Variants in ALPI observed in about 807,000 individuals in gnomAD.
ALPI encodes alkaline phosphatase, intestinal.
A neutral mutation model predicts 51.5 loss-of-function variants in ALPI; 50 were observed. The ratio of observed to expected loss-of-function variants is 0.97; its 90% CI spans 0.77 to 1.23. The LOEUF (loss-of-function observed/expected upper bound fraction) is 1.23. Ranked by LOEUF, ALPI falls within the 50% of genes most tolerant of loss-of-function variation. ALPI has a pLI of 0.00. For synonymous variants in ALPI, 322 were observed against 308.2 expected (o/e 1.04, Z -0.47); for missense variants, 692 against 722.4 (o/e 0.96, Z 0.48).
At position 232,456,765 on chromosome 2, in the gene ALPI, G is replaced by A. The variant is rs1013955699; in HGVS notation, c.300+70G>A. 6.5e-7 allele frequency: 1 copy of A among 1,544,834 alleles called. No individual in the cohort carries two copies. The highest frequency in any genetic ancestry group is 8.7e-7 in the Non-Finnish European group (1 of 1,143,496). On this transcript the variant is annotated intron_variant, in intron 3 of 10. Coordinates refer to ENST00000295463, the MANE Select transcript of ALPI (RefSeq NM_001631.5). This position sits in a 1 kb window ranked among gnomAD's most constrained non-coding sequence, Gnocchi z 4.2. The stretch of plus-strand genomic sequence containing the variant: ...ATCAAGGATATGGAGTGTGGCAGGA[G>A]GGAGGGAGCCAGGACAGCTGGGGCC...
Position 232,457,684 on chromosome 2 carries a change from G to T in ALPI, c.768G>T (p.Trp256Cys). ...RLDGKNLVQE[W>C]LAKHQGAWYV... ...ACGGGAAGAACCTGGTGCAGGAATG[G>T]CTGGCAAAGCACCAGGTGATGGGGG... The change falls in exon 6 of 11, where the codon TGG becomes TGT. Residue 256 changes from tryptophan to cysteine, a missense_variant. Transcript: ENST00000295463. The surrounding 1 kb of genome is among the most constrained non-coding windows in gnomAD (Gnocchi z 4.7). 2 of 1,613,018 alleles carry T rather than the reference G, an allele frequency of 1.2e-6. No homozygotes were observed. Among genetic ancestry groups the T allele is most frequent in the Non-Finnish European group, 1.7e-6 (2 of 1,179,214 alleles).
rs377672298 is a variant in ALPI, at chr2:232,458,040, A to T, written c.899A>T (p.Asp300Val). The T allele has an allele frequency of 1.2e-6, 2 of 1,605,786 alleles. No individual in the cohort carries two copies. The highest frequency in any genetic ancestry group is 1.7e-6 in the Non-Finnish European group (2 of 1,176,798). Reference protein sequence around the residue: ...PGDTKYEIHRDPTLDPSLMEM... With the variant: ...PGDTKYEIHRVPTLDPSLMEM... ...GACACGAAATATGAGATCCACCGAGACCCCACACTGGACCCCTCCCTGATG... is the reference window on the plus strand; with the variant it reads ...GACACGAAATATGAGATCCACCGAGTCCCCACACTGGACCCCTCCCTGATG... The change falls in exon 8 of 11, where the codon GAC (aspartate) becomes GTC (valine). Residue 300 changes from aspartate (D) to valine (V), a missense_variant. Asp to Val is a radical substitution (Grantham distance 152). Transcript: ENST00000295463.
At position 232,456,759 on chromosome 2, in the gene ALPI, G is replaced by A; in HGVS notation, c.300+64G>A. 6.5e-7 allele frequency: 1 copy of A among 1,544,984 alleles called. No homozygotes were observed. The highest frequency in any genetic ancestry group is 8.7e-7 in the Non-Finnish European group (1 of 1,143,560). ...AGAGGGATCAAGGATATGGAGTGTG[G>A]CAGGAGGGAGGGAGCCAGGACAGCT... On this transcript the variant is annotated intron_variant, in intron 3 of 10. Transcript: ENST00000295463. This position sits in a 1 kb window ranked among gnomAD's most constrained non-coding sequence, Gnocchi z 4.2.
Position 232,456,186 on chromosome 2 carries a change from G to A in ALPI, c.-14G>A, listed in dbSNP as rs751408372. 28 of 1,612,680 alleles carry A rather than the reference G, an allele frequency of 1.7e-5. No individual in the cohort carries two copies. The East Asian group carries it at 5.6e-4, about 32-fold the overall frequency. ...GGTGTCCCCACTTCGCCTCCCTCCT[G>A]CTGCCCCCAAGACATGCAGGGGCCC... On this transcript the variant is annotated 5_prime_UTR_variant, in exon 1 of 11. Coordinates refer to ENST00000295463, the MANE Select transcript of ALPI (RefSeq NM_001631.5). The surrounding 1 kb of genome is among the most constrained non-coding windows in gnomAD (Gnocchi z 4.2).
chr2:232,457,212 G>C lies in ALPI; in HGVS notation c.538G>C (p.Ala180Pro). The part of the protein sequence containing the change: ...VQHASPAGTY[A>P]HTVNRNWYSD... Reference sequence around the variant, plus strand: ...GCACGCCTCGCCAGCCGGCACCTACGCACACACAGTGAACCGCAACTGGTA... The same window carrying C: ...GCACGCCTCGCCAGCCGGCACCTACCCACACACAGTGAACCGCAACTGGTA... Residue 180 changes from alanine (A) to proline (P), a missense_variant, in exon 5 of 11, where the codon GCA (alanine) becomes CCA (proline). Physicochemically the swap from Ala to Pro is conservative, Grantham distance 27 (BLOSUM62 -1). Coordinates refer to ENST00000295463, the MANE Select transcript of ALPI (RefSeq NM_001631.5). The surrounding 1 kb of genome is among the most constrained non-coding windows in gnomAD (Gnocchi z 4.7). The C allele has an allele frequency of 1.9e-6, 3 of 1,613,514 alleles. No individual in the cohort carries two copies. The highest frequency in any genetic ancestry group is 2.5e-6 in the Non-Finnish European group (3 of 1,180,040).
chr2:232,459,285 C>G lies in ALPI; in HGVS notation c.*139C>G, dbSNP rs2106173995. The G allele has an allele frequency of 1.6e-6, 2 of 1,238,024 alleles. No individual in the cohort carries two copies. The highest frequency in any genetic ancestry group is 2.2e-6 in the Non-Finnish European group (2 of 918,978). The allele number at this position is 1,238,024 out of a possible 1,614,324, so 76.7% of individuals were successfully genotyped here. A position where few individuals can be genotyped will look rare whatever the true frequency, so the allele number is the denominator to read the frequency against. On this transcript the variant is annotated 3_prime_UTR_variant, in exon 11 of 11. Coordinates refer to ENST00000295463, the MANE Select transcript of ALPI (RefSeq NM_001631.5). ...CCTCCTAGAGATAAACCAGCCTCAG[C>G]TGGCGCAGCGGGGCCCTTCTTCCCT... is the stretch of plus-strand genomic sequence containing the variant.
chr2:232,457,510 G>A lies in ALPI; in HGVS notation c.649-55G>A. On this transcript the variant is annotated intron_variant, in intron 5 of 10. Coordinates refer to ENST00000295463, the MANE Select transcript of ALPI (RefSeq NM_001631.5). The surrounding 1 kb of genome is among the most constrained non-coding windows in gnomAD (Gnocchi z 4.7). ...GGGAGCCAGGGGCTATGCATGAGGAGGGGGCACGGGGCCAGCCAGGCCCCC... is the reference window on the plus strand; with the variant it reads ...GGGAGCCAGGGGCTATGCATGAGGAAGGGGCACGGGGCCAGCCAGGCCCCC... 2.6e-6 allele frequency: 4 copies of A among 1,560,818 alleles called. No homozygotes were observed. In the South Asian group the frequency reaches 3.7e-5, roughly 14 times the overall value.
rs774155707 is a variant in ALPI, at chr2:232,456,964, C to G, written c.366C>G (p.Val122=). 1.2e-6 allele frequency: 2 copies of G among 1,613,770 alleles called. No individual in the cohort carries two copies. The highest frequency in any genetic ancestry group is 2.2e-5 in the East Asian group (1 of 44,866). Residue 122 remains valine (V), a synonymous_variant, in exon 4 of 11, where the codon GTC becomes GTG. Transcript: ENST00000295463. This position sits in a 1 kb window ranked among gnomAD's most constrained non-coding sequence, Gnocchi z 4.2. ...AATATAYLCG[V]KANFQTIGLS... is the part of the protein sequence containing the mutation. Reference sequence around the variant, plus strand: ...CAGCCACGGCCTACCTGTGCGGGGTCAAGGCCAACTTCCAGACCATCGGCT... The same window carrying G: ...CAGCCACGGCCTACCTGTGCGGGGTGAAGGCCAACTTCCAGACCATCGGCT...
chr2:232,456,906 A>G lies in ALPI; in HGVS notation c.308A>G (p.Asn103Ser), dbSNP rs761424272. ...FPYLALSKTY[N>S]VDRQVPDSAA... ...GGGTGTCTCCGTTCGCAGACATACA[A>G]TGTGGACAGACAGGTGCCAGACAGC... Residue 103 changes from asparagine to serine, a missense_variant, in exon 4 of 11, where the codon AAT (asparagine) becomes AGT (serine). Coordinates refer to ENST00000295463, the MANE Select transcript of ALPI (RefSeq NM_001631.5). This position sits in a 1 kb window ranked among gnomAD's most constrained non-coding sequence, Gnocchi z 4.2. 6.8e-6 allele frequency: 11 copies of G among 1,613,308 alleles called. No homozygotes were observed. The highest frequency in any genetic ancestry group is 4.0e-5 in the African/African-American group (3 of 74,910).
In ALPI at chr2:232,460,694, T is replaced by G. The variant is rs1690293900; in HGVS notation, c.*1548T>G. 6.6e-6 allele frequency among the ~76,000 whole-genome samples: 1 copy of G among 152,244 alleles called. No individual in the cohort carries two copies. Reference sequence around the variant, plus strand: ...GCTTTTGCAAGAAATAGTAACATCATTCAATATGCTTTCTTATTTACTAAA... The same window carrying G: ...GCTTTTGCAAGAAATAGTAACATCAGTCAATATGCTTTCTTATTTACTAAA... On this transcript the variant is annotated 3_prime_UTR_variant, in exon 11 of 11. Coordinates refer to ENST00000295463, the MANE Select transcript of ALPI (RefSeq NM_001631.5).
In ALPI at chr2:232,457,663, G is replaced by A. The variant is rs1690222377; in HGVS notation, c.747G>A (p.Gly249=). The stretch of plus-strand genomic sequence containing the variant: ...GCCAGAATGGAATCAGGCTGGACGG[G>A]AAGAACCTGGTGCAGGAATGGCTGG... ...DASQNGIRLD[G]KNLVQEWLAK... is the part of the protein sequence containing the mutation. The change falls in exon 6 of 11, where the codon GGG becomes GGA. Residue 249 remains glycine (G), a synonymous_variant. Transcript: ENST00000295463. This position sits in a 1 kb window ranked among gnomAD's most constrained non-coding sequence, Gnocchi z 4.7. The A allele has an allele frequency of 6.2e-7, 1 of 1,613,862 alleles. No individual in the cohort carries two copies.
Position 232,457,410 on chromosome 2 carries a change from C to G in ALPI, c.648+88C>G. 6.4e-7 allele frequency: 1 copy of G among 1,553,448 alleles called. No individual in the cohort carries two copies. The highest frequency in any genetic ancestry group is 8.7e-7 in the Non-Finnish European group (1 of 1,150,730). On this transcript the variant is annotated intron_variant, in intron 5 of 10. Transcript: ENST00000295463. This position sits in a 1 kb window ranked among gnomAD's most constrained non-coding sequence, Gnocchi z 4.7. ...AGGCAACCAAAAGCCTGATCTGGGT[C>G]AGCAGGTTCTGGAGGTGGAGTTGGG...
Position 232,456,156 on chromosome 2 carries a change from T to A in ALPI, c.-44T>A. 1 of 1,609,674 alleles carries A rather than the reference T, an allele frequency of 6.2e-7. No homozygotes were observed. Among genetic ancestry groups the A allele is most frequent in the Non-Finnish European group, 8.5e-7 (1 of 1,178,848 alleles). On this transcript the variant is annotated 5_prime_UTR_variant, in exon 1 of 11. Coordinates refer to ENST00000295463, the MANE Select transcript of ALPI (RefSeq NM_001631.5). This position sits in a 1 kb window ranked among gnomAD's most constrained non-coding sequence, Gnocchi z 4.2. ...CCCAGGCAGCCTGCGCTGCAGCCGG[T>A]TCCTGGTGTCCCCACTTCGCCTCCC...
intron 9 of ALPI, 32 bp from the exon 10 acceptor site, chr2:232,458,600 G>T: frequency 1.2e-6 from 2 of 1,605,100 alleles, no homozygotes; most frequent in Non-Finnish European, 1.7e-6. Flanking sequence ...GCTGTGGTCA[G>T]CTCAACTACA....
Position 232,459,312 on chromosome 2 carries a change from C to T in ALPI, c.*166C>T. 6.2e-6 allele frequency: 6 copies of T among 972,720 alleles called. No individual in the cohort carries two copies. Among genetic ancestry groups the T allele is most frequent in the South Asian group, 3.5e-5 (2 of 57,764 alleles). 60.3% of individuals were successfully genotyped at this position (972,720 alleles called of 1,614,324 possible). ...GGCGCAGCGGGGCCCTTCTTCCCTC[C>T]GCATCCCCTTCAGGGAGCAGGAGCC... On this transcript the variant is annotated 3_prime_UTR_variant, in exon 11 of 11. Transcript: ENST00000295463.
At position 232,458,906 on chromosome 2, in the gene ALPI, G is replaced by C. The variant is rs148157889; in HGVS notation, c.1347G>C (p.Glu449Asp). 504 of 1,610,640 alleles carry C rather than the reference G, an allele frequency of 3.1e-4. No homozygotes were observed. The highest frequency in any genetic ancestry group is 3.3e-4 in the Non-Finnish European group (389 of 1,179,190). ...AGGCGGCGGTGCCCCTGTCGTCCGA[G>C]ACCCACGGAGGCGAAGACGTGGCGG... The part of the protein sequence containing the change: ...QQQAAVPLSS[E>D]THGGEDVAVF... The change falls in exon 11 of 11, where the codon GAG becomes GAC. Residue 449 changes from glutamate to aspartate, a missense_variant. Glu to Asp is a conservative substitution (Grantham distance 45). Transcript: ENST00000295463.
At position 232,456,750 on chromosome 2, in the gene ALPI, T is replaced by C. The variant is rs545317166; in HGVS notation, c.300+55T>C. ...AAGCAGAGGAGAGGGATCAAGGATA[T>C]GGAGTGTGGCAGGAGGGAGGGAGCC... On this transcript the variant is annotated intron_variant, in intron 3 of 10. Transcript: ENST00000295463. The surrounding 1 kb of genome is among the most constrained non-coding windows in gnomAD (Gnocchi z 4.2). 131 of 1,551,672 alleles carry C rather than the reference T, an allele frequency of 8.4e-5. 1 individual carries two copies. The East Asian group carries it at 2.8e-3, about 33-fold the overall frequency.
At position 232,456,692 on chromosome 2, in the gene ALPI, C is replaced by T. The variant is rs759950805; in HGVS notation, c.297C>T (p.Ser99=). ...AMDRFPYLAL[S]KTYNVDRQVP... ...ACCGCTTCCCATACCTGGCTCTGTC[C>T]AAGGTAAGGGCTGGGCCACCTCAGA... is the stretch of plus-strand genomic sequence containing the variant. Residue 99 remains serine (S), a synonymous_variant, in exon 3 of 11, where the codon TCC becomes TCT. Transcript: ENST00000295463. The surrounding 1 kb of genome is among the most constrained non-coding windows in gnomAD (Gnocchi z 4.2). 17 of 1,598,914 alleles carry T rather than the reference C, an allele frequency of 1.1e-5. No individual in the cohort carries two copies. Among genetic ancestry groups the T allele is most frequent in the Non-Finnish European group, 1.4e-5 (17 of 1,172,442 alleles).
At position 232,456,193 on chromosome 2, in the gene ALPI, C is replaced by A. The variant is rs73007641; in HGVS notation, c.-7C>A. ...CCACTTCGCCTCCCTCCTGCTGCCC[C>A]CAAGACATGCAGGGGCCCTGGGTGC... is the stretch of plus-strand genomic sequence containing the variant. On this transcript the variant is annotated 5_prime_UTR_variant, in exon 1 of 11. Coordinates refer to ENST00000295463, the MANE Select transcript of ALPI (RefSeq NM_001631.5). The surrounding 1 kb of genome is among the most constrained non-coding windows in gnomAD (Gnocchi z 4.2). The A allele has an allele frequency of 1.9e-6, 3 of 1,613,180 alleles. No homozygotes were observed. Among genetic ancestry groups the A allele is most frequent in the Middle Eastern group, 1.8e-4 (1 of 5,414 alleles).
Sources: allele counts gnomAD v4.1 joint callset (sites outside exome capture counted in the v4.1 genomes callset), GRCh38; gene constraint gnomAD v4.1.1; non-coding constraint Gnocchi (gnomAD v3.1); transcripts MANE v1.5; gene names NCBI Gene and HGNC (gene_info 2026-07-23, HGNC 2026-07-21).